Variants in PPFIA2 observed in about 807,000 individuals in gnomAD.
PPFIA2 encodes liprin-alpha-2.
PPFIA2 carries 46 observed loss-of-function variants against 175.5 expected under a neutral mutation model. That is an observed-to-expected ratio of 0.26 (90% CI 0.21 to 0.34). The LOEUF is 0.34. Ranked by LOEUF, PPFIA2 falls within the 10% of genes least tolerant of loss-of-function variation. The probability of loss-of-function intolerance (pLI) is 1.00; values close to 1 mark genes in which losing one functional copy is unlikely to be tolerated. For synonymous variants in PPFIA2, 568 were observed against 511.4 expected, an observed-to-expected ratio of 1.11 and a Z score of -1.49; for missense variants, 1,179 against 1,506.1, an observed-to-expected ratio of 0.78 and a Z score of 3.60.
chr12:81,341,129 G>A lies in PPFIA2; in HGVS notation c.2342C>T (p.Ala781Val). The A allele has an allele frequency of 6.2e-7, 1 of 1,611,210 alleles. No homozygotes were observed. The highest frequency in any genetic ancestry group is 8.5e-7 in the Non-Finnish European group (1 of 1,177,806). ...AGGGAGAGTGTGAGTCATTCTGAGGGCTCTAGGGGTAGGAGGAGGAGAAGT... is the reference window on the plus strand; with the variant it reads ...AGGGAGAGTGTGAGTCATTCTGAGGACTCTAGGGGTAGGAGGAGGAGAAGT... Reference protein sequence around the residue: ...CETSPPPTPRALRMTHTLPSS... With the variant: ...CETSPPPTPRVLRMTHTLPSS... The change falls in exon 20 of 33, where the codon GCC becomes GTC. Residue 781 changes from alanine (A) to valine (V), a missense_variant. Coordinates refer to ENST00000549396, the MANE Select transcript of PPFIA2 (RefSeq NM_003625.5).
intron 4 of PPFIA2, among the ~76,000 whole-genome samples, chr12:81,562,653 C>G (rs1169985001): frequency 2.7e-5 from 4 of 150,802 alleles, no homozygotes; most frequent in Non-Finnish European, 4.4e-5. Flanking sequence ...CGAGACCATC[C>G]CGGCTAAAAC....
intron 16 of PPFIA2, among the ~76,000 whole-genome samples, chr12:81,353,629 T>A (rs1180243510): frequency 6.6e-6 from 1 of 152,194 alleles, no homozygotes; most frequent in Non-Finnish European, 1.5e-5. Flanking sequence ...CTTTAAAGCA[T>A]GTATTTGTAA....
intron 4 of PPFIA2, among the ~76,000 whole-genome samples, chr12:81,529,208 A>G (rs755854164): frequency 1.8e-4 from 28 of 152,060 alleles, no homozygotes; most frequent in Non-Finnish European, 3.2e-4. Flanking sequence ...TACATTAAAC[A>G]AAGAAAATAC....
intron 5 of PPFIA2, among the ~76,000 whole-genome samples, chr12:81,449,496 AAAAAAC>A (rs1474613919): frequency 2.0e-5 from 3 of 151,912 alleles, no homozygotes; most frequent in South Asian, 2.1e-4. Context: ...GACAAAAAAA[AAAAAAC>A]AAAAAAAAAT....
In PPFIA2 at chr12:81,496,974, C is replaced by T. The variant is rs560724321; in HGVS notation, c.304-39108G>A. On this transcript the variant is annotated intron_variant, in intron 4 of 32. Transcript: ENST00000549396. Reference sequence around the variant, plus strand: ...ACGAGAGGCTCTAAAATGGCTTTAGCCCTACTGAAGCTCCATCTACCTGGA... The same window carrying T: ...ACGAGAGGCTCTAAAATGGCTTTAGTCCTACTGAAGCTCCATCTACCTGGA... 3.9e-5 allele frequency among the ~76,000 whole-genome samples: 6 copies of T among 152,262 alleles called. No individual in the cohort carries two copies. In the South Asian group the frequency reaches 1.0e-3, roughly 26 times the overall value.
chr12:81,289,240 A>T (rs2044271862), intron 24 of PPFIA2, among the ~76,000 whole-genome samples: 1 of 151,810 alleles, frequency 6.6e-6, no homozygotes, highest in South Asian at 2.1e-4. Context: ...TCTGTTAGGT[A>T]GTCTCCATTC....
intron 4 of PPFIA2, among the ~76,000 whole-genome samples, chr12:81,460,017 G>A (rs1001358856): frequency 2.6e-5 from 4 of 152,056 alleles, no homozygotes; most frequent in African/African-American, 9.7e-5. Flanking sequence ...TTTGAACCTA[G>A]TTGTTTGTTG....
intron 4 of PPFIA2, among the ~76,000 whole-genome samples, chr12:81,519,593 T>A (rs1567167066): frequency 5.3e-5 from 8 of 152,226 alleles, no homozygotes. Flanking sequence ...TCCGCTACTA[T>A]AATGAACCAT....
At chr12:81,586,153 G>A (rs2075279074) in intron 4 of PPFIA2, among the ~76,000 whole-genome samples, 1 of 151,850 alleles carries the variant, frequency 6.6e-6, no homozygotes, top group Admixed American at 6.6e-5. Context: ...ATTTTATTTT[G>A]TAGAAAACAA....
intron 22 of PPFIA2, among the ~76,000 whole-genome samples, chr12:81,308,154 T>G (rs930233136): frequency 3.3e-5 from 5 of 152,198 alleles, no homozygotes; most frequent in Admixed American, 6.5e-5. Context: ...TTGAGATACA[T>G]CTAATGCGCT....
intron 4 of PPFIA2, among the ~76,000 whole-genome samples, chr12:81,563,815 T>A (rs2070708980): frequency 6.6e-6 from 1 of 152,200 alleles, no homozygotes; most frequent in African/African-American, 2.4e-5. Context: ...TCATTACAGA[T>A]GCTAAGTTAT....
chr12:81,639,331 C>A (rs7131730), intron 4 of PPFIA2, among the ~76,000 whole-genome samples: 70,081 of 151,790 alleles, frequency 0.46, 17,595 homozygotes, highest in Middle Eastern at 0.59. Flanking sequence ...GCAAGAAAAA[C>A]AACATTTAGC....
intron 4 of PPFIA2, among the ~76,000 whole-genome samples, chr12:81,642,810 T>TGTATGTATTATA: frequency 4.1e-5 from 1 of 24,682 alleles, no homozygotes; most frequent in African/African-American, 1.6e-4. Context: ...TATGTATGTA[T>TGTATGTATTATA]TACATACATG....
chr12:81,583,754 C>T (rs1262036641), intron 4 of PPFIA2, among the ~76,000 whole-genome samples: 2 of 151,732 alleles, frequency 1.3e-5, no homozygotes, highest in Non-Finnish European at 2.9e-5. Context: ...ATCTGGAGGC[C>T]TAGGGTCCAC....
At chr12:81,740,148 G>A (rs2082153504) in intron 3 of PPFIA2, among the ~76,000 whole-genome samples, 1 of 152,112 alleles carries the variant, frequency 6.6e-6, no homozygotes, top group Admixed American at 6.6e-5. Context: ...GGAAGAAATT[G>A]CCAGTCATTC....
At chr12:81,552,027 A>C (rs1258434111) in intron 4 of PPFIA2, among the ~76,000 whole-genome samples, 1 of 151,786 alleles carries the variant, frequency 6.6e-6, no homozygotes, top group Non-Finnish European at 1.5e-5. Context: ...CAATTTAAAG[A>C]ACTTAATTAT....
chr12:81,590,391 A>G (rs114464277), intron 4 of PPFIA2, among the ~76,000 whole-genome samples: 1 of 152,302 alleles, frequency 6.6e-6, no homozygotes, highest in African/African-American at 2.4e-5. Flanking sequence ...AAAAGCCAGA[A>G]TTACCTCAAC....
chr12:81,267,107 AT>A, intron 29 of PPFIA2, 87 bp from the exon 30 acceptor site: 2 of 986,554 alleles, frequency 2.0e-6, no homozygotes, highest in Non-Finnish European at 3.1e-6. Context: ...ATAATGTATT[AT>A]AAACCATACT....
chr12:81,677,974 T>C (rs1209831626), intron 3 of PPFIA2, among the ~76,000 whole-genome samples: 1 of 151,910 alleles, frequency 6.6e-6, no homozygotes, highest in Non-Finnish European at 1.5e-5. Context: ...CCCAGGTTTT[T>C]AGTGTTTGCA....
Sources: gnomAD v4.1 joint callset for allele counts (sites outside exome capture counted in the v4.1 genomes callset) on GRCh38, gnomAD v4.1.1 for gene constraint, MANE v1.5 for transcripts, NCBI Gene and HGNC (gene_info 2026-07-23, HGNC 2026-07-21) for gene names.